USP44: variants seen among roughly 807,000 people sequenced by gnomAD.
USP44 encodes the protein ubiquitin carboxyl-terminal hydrolase 44.
Under a neutral mutation model 69.0 loss-of-function variants are expected in USP44, and 61 were observed. The observed-to-expected ratio is 0.88, with a 90% CI of 0.72 to 1.09. The LOEUF (loss-of-function observed/expected upper bound fraction) is 1.09, where lower values mean the gene tolerates loss of function less well. Among genes scored for constraint, USP44 ranks in the 50% least tolerant of loss-of-function variants. The pLI is 0.00. For synonymous variants in USP44, 297 were observed against 295.4 expected, an observed-to-expected ratio of 1.01 and a Z score of -0.06; for missense variants, 753 against 849.9, an observed-to-expected ratio of 0.89 and a Z score of 1.42.
intron 2 of USP44, among the ~76,000 whole-genome samples, chr12:95,530,952 C>T (rs970875098): frequency 1.3e-5 from 2 of 152,146 alleles, no homozygotes; most frequent in Admixed American, 1.3e-4. Flanking sequence ...ATCACAAGGT[C>T]AGGAGATCGA....
At chr12:95,522,180 T>C (rs893768467) in intron 4 of USP44, 1 of 890,464 alleles carries the variant, frequency 1.1e-6, no homozygotes, top group Non-Finnish European at 1.3e-6. Flanking sequence ...TGGGGTAGTA[T>C]GGTAGAGAGA....
At chr12:95,537,114 A>G (rs756022861) in intron 1 of USP44, among the ~76,000 whole-genome samples, 14 of 152,190 alleles carry the variant, frequency 9.2e-5, no homozygotes, top group Non-Finnish European at 1.6e-4. Context: ...TTATAAGGAA[A>G]TTAAAGCTGC....
intron 4 of USP44, among the ~76,000 whole-genome samples, chr12:95,524,026 G>A: frequency 6.6e-6 from 1 of 151,936 alleles, no homozygotes; most frequent in Non-Finnish European, 1.5e-5. Context: ...ACAGGCGTGT[G>A]TCACCACGCC....
intron 1 of USP44, among the ~76,000 whole-genome samples, chr12:95,543,005 G>A (rs2077440329): frequency 6.8e-6 from 1 of 147,696 alleles, no homozygotes; most frequent in Admixed American, 6.8e-5. Flanking sequence ...GGAGAATGGC[G>A]TGAACCCGGG....
intron 3 of USP44, among the ~76,000 whole-genome samples, chr12:95,525,014 C>T (rs1166485723): frequency 6.6e-6 from 1 of 152,192 alleles, no homozygotes; most frequent in African/African-American, 2.4e-5. Flanking sequence ...TAATCAAGTA[C>T]ATGATTTAAT....
intron 1 of USP44, among the ~76,000 whole-genome samples, chr12:95,543,656 T>C (rs903659956): frequency 3.3e-5 from 5 of 151,292 alleles, no homozygotes; most frequent in African/African-American, 7.3e-5. Context: ...GGTAGCTAAA[T>C]TTTTTTTACT....
chr12:95,537,298 C>T (rs1251788365), intron 1 of USP44, among the ~76,000 whole-genome samples: 1 of 151,958 alleles, frequency 6.6e-6, no homozygotes, highest in Admixed American at 6.6e-5. Flanking sequence ...ATGTTTCTGG[C>T]AAACCATAGA....
chr12:95,520,009 A>C (rs2076607136), intron 5 of USP44, among the ~76,000 whole-genome samples: 2 of 64,332 alleles, frequency 3.1e-5, no homozygotes, highest in African/African-American at 1.6e-4. Context: ...CTCTGTCTCA[A>C]AAAAAAAAAA....
chr12:95,551,436 C>T lies in USP44; in HGVS notation c.-235G>A, dbSNP rs2077719920. The T allele has an allele frequency of 6.6e-6, 1 of 152,592 alleles. No homozygotes were observed. The highest frequency in any genetic ancestry group is 2.4e-5 in the African/African-American group (1 of 41,404). The allele number at this position is 152,592 out of a possible 1,614,324, so 9.5% of individuals were successfully genotyped here. Reference sequence around the variant, plus strand: ...CCCCCTGCAAATCATTACAAATCAACCTCTTTCAGGTTTGGCTTAAACTCT... The same window carrying T: ...CCCCCTGCAAATCATTACAAATCAATCTCTTTCAGGTTTGGCTTAAACTCT... On this transcript the variant is annotated 5_prime_UTR_variant, in exon 1 of 6. Coordinates refer to ENST00000258499, the MANE Select transcript of USP44 (RefSeq NM_032147.5).
rs2077123443 is a variant in USP44 at position 95,534,171 on chromosome 12, C to G, written c.86G>C (p.Cys29Ser). The change falls in exon 2 of 6, where the codon TGT becomes TCT. Residue 29 changes from cysteine to serine, a missense_variant. By Grantham distance (112) the Cys-to-Ser change is moderately radical. Coordinates refer to ENST00000258499, the MANE Select transcript of USP44 (RefSeq NM_032147.5). ...HSSLNPQKWH[C>S]VDCNTTESIW... The stretch of plus-strand genomic sequence containing the variant: ...GGACTCGGTCGTGTTGCAGTCCACA[C>G]AGTGCCATTTCTGAGGGTTGAGGCT... 1 of 1,614,064 alleles carries G rather than the reference C, an allele frequency of 6.2e-7. No homozygotes were observed.
chr12:95,518,759 G>A (rs1457252663), intron 5 of USP44, among the ~76,000 whole-genome samples: 1 of 152,062 alleles, frequency 6.6e-6, no homozygotes, highest in Non-Finnish European at 1.5e-5. Context: ...GGCCAACATG[G>A]TGAAACCTGT....
chr12:95,521,594 C>T (rs2076664428), intron 4 of USP44, among the ~76,000 whole-genome samples: 1 of 152,152 alleles, frequency 6.6e-6, no homozygotes. Context: ...CTCTGCCTCT[C>T]AGGTTCAAGC....
chr12:95,524,834 T>G (rs11108090), intron 3 of USP44, 46 bp from the exon 4 acceptor site: 172,258 of 1,529,640 alleles, frequency 0.11, 10,360 homozygotes, highest in African/African-American at 0.16. Context: ...ATTTAAAGAT[T>G]CAGGGAAAAG....
intron 4 of USP44, among the ~76,000 whole-genome samples, chr12:95,523,800 C>A (rs2140231394): frequency 6.6e-6 from 1 of 151,720 alleles, no homozygotes; most frequent in East Asian, 1.9e-4. Context: ...ACAAGATTGA[C>A]AGGCACACAC....
chr12:95,529,472 A>C (rs1379019779), intron 2 of USP44, among the ~76,000 whole-genome samples: 1 of 150,022 alleles, frequency 6.7e-6, no homozygotes, highest in Non-Finnish European at 1.5e-5. Flanking sequence ...CCCCAGTGCT[A>C]GGGTGCAATG....
intron 3 of USP44, 70 bp downstream of exon 3, chr12:95,528,737 A>G (rs541668363): frequency 6.9e-7 from 1 of 1,450,650 alleles, no homozygotes; most frequent in African/African-American, 1.4e-5. Flanking sequence ...GATTTCTTTC[A>G]GCTTCCTCTC....
At chr12:95,543,761 T>C (rs1258703907) in intron 1 of USP44, among the ~76,000 whole-genome samples, 2 of 151,572 alleles carry the variant, frequency 1.3e-5, no homozygotes, top group South Asian at 2.1e-4. Context: ...GGTCAGGGGA[T>C]TGAGACCATC....
In USP44 at chr12:95,534,995, C is replaced by T. The variant is rs556042834; in HGVS notation, c.-70-669G>A. On this transcript the variant is annotated intron_variant, in intron 1 of 5. Transcript: ENST00000258499. Reference sequence around the variant, plus strand: ...TGTGCCTGGCCCCTTTTCTTAATGACAGGGGTTGGCAAGACCCAAATATAT... The same window carrying T: ...TGTGCCTGGCCCCTTTTCTTAATGATAGGGGTTGGCAAGACCCAAATATAT... 2.0e-5 allele frequency among the ~76,000 whole-genome samples: 3 copies of T among 152,232 alleles called. No homozygotes were observed. The East Asian group carries it at 5.8e-4, about 29-fold the overall frequency.
intron 2 of USP44, among the ~76,000 whole-genome samples, chr12:95,531,696 A>G (rs1462602754): frequency 6.6e-6 from 1 of 152,248 alleles, no homozygotes; most frequent in Admixed American, 6.5e-5. Context: ...AAATACTTAA[A>G]CAACATTTTA....
Sources: allele counts gnomAD v4.1 joint callset (sites outside exome capture counted in the v4.1 genomes callset), GRCh38; gene constraint gnomAD v4.1.1; transcripts MANE v1.5; gene names NCBI Gene and HGNC (gene_info 2026-07-23, HGNC 2026-07-21).